Variants in CPEB3 observed in about 807,000 individuals in gnomAD.
The protein encoded by CPEB3 is cytoplasmic polyadenylation element-binding protein 3.
CPEB3 carries 20 observed loss-of-function variants against 67.2 expected under a neutral mutation model. The ratio of observed to expected loss-of-function variants is 0.30; its 90% CI spans 0.21 to 0.43. The LOEUF (loss-of-function observed/expected upper bound fraction) is 0.43. Among genes scored for constraint, CPEB3 ranks in the 20% least tolerant of loss-of-function variants. The probability of loss-of-function intolerance (pLI) is 1.00; values close to 1 mark genes in which losing one functional copy is unlikely to be tolerated. For synonymous variants in CPEB3, 376 were observed against 393.1 expected (o/e 0.96, Z 0.51); for missense variants, 746 against 968.6 (o/e 0.77, Z 3.05).
chr10:92,053,403 C>T (rs982517916), intron 9 of CPEB3, among the ~76,000 whole-genome samples: 1 of 151,908 alleles, frequency 6.6e-6, no homozygotes, highest in Non-Finnish European at 1.5e-5. Context: ...CTCACTCTGT[C>T]GCCAGGCTGG....
rs764406144 is a variant in CPEB3, at chr10:92,091,864, G to A, written c.1653C>T (p.Ile551=). Residue 551 remains isoleucine, a synonymous_variant, in exon 8 of 10, where the codon ATC becomes ATT. Transcript: ENST00000265997. The part of the protein sequence containing the change: ...GSQPLDPRKT[I]FVGGVPRPLR... ...GGGGTCGTGGAACTCCCCCAACAAA[G>A]ATAGTTTTTCTGGGGTCCAAAGGCT... The A allele has an allele frequency of 1.2e-6, 2 of 1,613,516 alleles. No individual in the cohort carries two copies. The highest frequency in any genetic ancestry group is 8.5e-7 in the Non-Finnish European group (1 of 1,179,560).
chr10:92,080,066 G>A (rs1843081036), intron 9 of CPEB3, among the ~76,000 whole-genome samples: 1 of 151,888 alleles, frequency 6.6e-6, no homozygotes, highest in Admixed American at 6.6e-5. Context: ...AATTAGCCGG[G>A]CATCATGGCG....
intron 6 of CPEB3, among the ~76,000 whole-genome samples, chr10:92,119,970 T>C (rs1414079603): frequency 1.3e-5 from 2 of 151,326 alleles, no homozygotes; most frequent in Admixed American, 6.6e-5. Flanking sequence ...AAAAAACAAA[T>C]TGCGCCAGGC....
intron 4 of CPEB3, among the ~76,000 whole-genome samples, chr10:92,180,575 G>T (rs546171125): frequency 6.6e-6 from 1 of 152,220 alleles, no homozygotes; most frequent in East Asian, 1.9e-4. Flanking sequence ...TAAATGAATG[G>T]GTGTGGCTAT....
intron 7 of CPEB3, among the ~76,000 whole-genome samples, chr10:92,106,883 A>G (rs1011732115): frequency 2.6e-5 from 4 of 151,670 alleles, no homozygotes; most frequent in Middle Eastern, 3.4e-3. Context: ...AGGAAGGAAG[A>G]AAGGAATCAA....
At chr10:92,246,345 A>T (rs1467915349) in intron 1 of CPEB3, among the ~76,000 whole-genome samples, 1 of 151,926 alleles carries the variant, frequency 6.6e-6, no homozygotes, top group Non-Finnish European at 1.5e-5. Context: ...AAAACAAAAA[A>T]AAAAACGAAA....
intron 1 of CPEB3, among the ~76,000 whole-genome samples, chr10:92,287,491 C>T (rs724425): frequency 0.1 from 15,948 of 152,108 alleles, 2,772 homozygotes; most frequent in African/African-American, 0.36. Flanking sequence ...ATGTGTCACC[C>T]ATTTCAAATG....
chr10:92,206,531 A>G (rs765461722), intron 2 of CPEB3, among the ~76,000 whole-genome samples: 1 of 152,056 alleles, frequency 6.6e-6, no homozygotes, highest in Non-Finnish European at 1.5e-5. Flanking sequence ...TCCTCCTACC[A>G]CATCCTCTCA....
chr10:92,088,386 C>T (rs1474015080), intron 8 of CPEB3, among the ~76,000 whole-genome samples: 3 of 151,958 alleles, frequency 2.0e-5, no homozygotes, highest in African/African-American at 7.3e-5. Context: ...GCCATCATGC[C>T]TGGCTAATTT....
intron 9 of CPEB3, among the ~76,000 whole-genome samples, chr10:92,077,405 G>C (rs1345108559): frequency 6.6e-6 from 1 of 152,090 alleles, no homozygotes; most frequent in East Asian, 1.9e-4. Context: ...GTTCACAGAT[G>C]AACAGTGAAA....
intron 9 of CPEB3, among the ~76,000 whole-genome samples, chr10:92,071,272 T>C (rs1025057003): frequency 1.3e-5 from 2 of 152,164 alleles, no homozygotes; most frequent in Non-Finnish European, 2.9e-5. Context: ...AAAGATCTGA[T>C]TTACAAATTT....
At chr10:92,260,621 T>C (rs1852753632) in intron 1 of CPEB3, among the ~76,000 whole-genome samples, 1 of 152,198 alleles carries the variant, frequency 6.6e-6, no homozygotes, top group Admixed American at 6.5e-5. Flanking sequence ...CTTCTTCTTT[T>C]TGAGGCTGAG....
intron 6 of CPEB3, among the ~76,000 whole-genome samples, chr10:92,122,219 C>A (rs941304324): frequency 6.6e-6 from 1 of 152,168 alleles, no homozygotes; most frequent in Non-Finnish European, 1.5e-5. Context: ...CAGGGAACAC[C>A]AAAGAGCAAA....
intron 3 of CPEB3, among the ~76,000 whole-genome samples, chr10:92,191,911 G>A (rs957301437): frequency 6.6e-6 from 1 of 152,122 alleles, no homozygotes; most frequent in African/African-American, 2.4e-5. Context: ...GAGACTTTCT[G>A]CCTTATATTT....
chr10:92,056,677 G>C (rs1403289876), intron 9 of CPEB3, among the ~76,000 whole-genome samples: 1 of 152,170 alleles, frequency 6.6e-6, no homozygotes, highest in Non-Finnish European at 1.5e-5. Flanking sequence ...GCAACACTTA[G>C]GTGAGTCCTA....
At position 92,278,683 on chromosome 10, in the gene CPEB3, C is replaced by G. The variant is rs1197906212; in HGVS notation, c.-12+12243G>C. ...TGGCATGATCTTGGCTCACTGTAACCTCCACCTCCCGGGTTCAAGCCATTC... is the reference window on the plus strand; with the variant it reads ...TGGCATGATCTTGGCTCACTGTAACGTCCACCTCCCGGGTTCAAGCCATTC... On this transcript the variant is annotated intron_variant, in intron 1 of 9. Transcript: ENST00000265997. Among the ~76,000 whole-genome samples, 5 of 151,360 alleles carry G rather than the reference C, an allele frequency of 3.3e-5. No homozygotes were observed. The South Asian group carries it at 1.0e-3, about 32-fold the overall frequency.
At chr10:92,264,522 T>C (rs1852954617) in intron 1 of CPEB3, among the ~76,000 whole-genome samples, 1 of 152,122 alleles carries the variant, frequency 6.6e-6, no homozygotes, top group Admixed American at 6.6e-5. Context: ...CCTTCAGGTG[T>C]TTCTTCCTTT....
Position 92,067,439 on chromosome 10 carries a change from G to A in CPEB3, c.1869+13881C>T, listed in dbSNP as rs1326017649. On this transcript the variant is annotated intron_variant, in intron 9 of 9. Coordinates refer to ENST00000265997, the MANE Select transcript of CPEB3 (RefSeq NM_014912.5). ...CTCTTGAACCTGGGAGGCGGAGGTT[G>A]CAGTGAGCCAAGATAGCACCACTGC... 3.9e-5 allele frequency among the ~76,000 whole-genome samples: 6 copies of A among 152,036 alleles called. No individual in the cohort carries two copies. The East Asian group carries it at 1.2e-3, about 29-fold the overall frequency.
At chr10:92,105,193 G>C (rs894862651) in intron 7 of CPEB3, among the ~76,000 whole-genome samples, 1 of 152,168 alleles carries the variant, frequency 6.6e-6, no homozygotes. Flanking sequence ...CTAAGATGTG[G>C]ACATACAAAA....
Sources: gnomAD v4.1 joint callset for allele counts (sites outside exome capture counted in the v4.1 genomes callset) on GRCh38, gnomAD v4.1.1 for gene constraint, MANE v1.5 for transcripts, NCBI Gene and HGNC (gene_info 2026-07-23, HGNC 2026-07-21) for gene names.